NCKAP5: variants seen among roughly 807,000 people sequenced by gnomAD.
The protein encoded by NCKAP5 is nck-associated protein 5.
NCKAP5 carries 92 observed loss-of-function variants against 167.0 expected under a neutral mutation model. The ratio of observed to expected loss-of-function variants is 0.55; its 90% CI spans 0.47 to 0.66. The LOEUF (loss-of-function observed/expected upper bound fraction) is 0.66. Ranked by LOEUF, NCKAP5 falls within the 30% of genes least tolerant of loss-of-function variation. The pLI is 0.00. For synonymous variants in NCKAP5, 891 were observed against 877.4 expected (o/e 1.02, Z -0.27); for missense variants, 2,378 against 2,315.0 (o/e 1.03, Z -0.56).
chr2:133,665,502 G>C, the NCKAP5 span, among the ~76,000 whole-genome samples: 2 of 152,136 alleles, frequency 1.3e-5, no homozygotes, highest in Non-Finnish European at 2.9e-5. Context: ...CATAGTCTGT[G>C]ATACCTCAAA....
At chr2:132,884,038 G>C (rs4525747) in intron 8 of NCKAP5, among the ~76,000 whole-genome samples, 1 of 151,954 alleles carries the variant, frequency 6.6e-6, no homozygotes, top group Non-Finnish European at 1.5e-5. Context: ...ACTCAGTCAC[G>C]GTTCACATTC....
At chr2:132,815,843 T>C (rs1326129060) in intron 11 of NCKAP5, among the ~76,000 whole-genome samples, 1 of 152,158 alleles carries the variant, frequency 6.6e-6, no homozygotes, top group African/African-American at 2.4e-5. Flanking sequence ...ACCAAAATTC[T>C]CCATTACAGC....
rs571225096 is a variant in NCKAP5 at position 133,505,470 on chromosome 2, T to A, written c.69+11988A>T. On this transcript the variant is annotated intron_variant, in intron 3 of 19. Coordinates refer to ENST00000409261, the MANE Select transcript of NCKAP5 (RefSeq NM_207363.3). ...AAAGCTGCCATCTGGAACGGCCACA[T>A]CAGCTGGTCCACATGTTTCCAGGGT... Among the ~76,000 whole-genome samples, 5 of 152,294 alleles carry A rather than the reference T, an allele frequency of 3.3e-5. No homozygotes were observed. In the East Asian group the frequency reaches 9.6e-4, roughly 29 times the overall value.
chr2:132,832,397 T>C (rs911206860), intron 11 of NCKAP5, among the ~76,000 whole-genome samples: 2 of 152,144 alleles, frequency 1.3e-5, no homozygotes, highest in African/African-American at 4.8e-5. Flanking sequence ...CATGTATATA[T>C]GGGGTACAAG....
chr2:133,269,695 AGAGGGAG>A, intron 4 of NCKAP5, among the ~76,000 whole-genome samples: 2 of 152,332 alleles, frequency 1.3e-5, no homozygotes, highest in South Asian at 4.1e-4. Context: ...CACAAGACAC[AGAGGGAG>A]TGACATGATC....
At chr2:133,256,631 C>A (rs2088632527) in intron 4 of NCKAP5, among the ~76,000 whole-genome samples, 1 of 152,070 alleles carries the variant, frequency 6.6e-6, no homozygotes, top group African/African-American at 2.4e-5. Flanking sequence ...ATTATAACCA[C>A]CTAATTAGAA....
chr2:132,680,122 C>A (rs539506265), intron 19 of NCKAP5, among the ~76,000 whole-genome samples: 1 of 152,094 alleles, frequency 6.6e-6, no homozygotes, highest in African/African-American at 2.4e-5. Context: ...ACCCTGTTAA[C>A]CTGGTCAAAT....
chr2:133,645,571 C>T, the NCKAP5 span, among the ~76,000 whole-genome samples: 3 of 152,220 alleles, frequency 2.0e-5, no homozygotes, highest in Admixed American at 6.5e-5. Context: ...AAAATCATTT[C>T]ATTTATTTGT....
chr2:133,516,013 T>G (rs1683955135), intron 3 of NCKAP5, among the ~76,000 whole-genome samples: 1 of 152,236 alleles, frequency 6.6e-6, no homozygotes, highest in Non-Finnish European at 1.5e-5. Context: ...ACTTGAGATC[T>G]GAGGCAGAAA....
At chr2:133,241,446 T>C (rs2087700891) in intron 4 of NCKAP5, among the ~76,000 whole-genome samples, 1 of 152,214 alleles carries the variant, frequency 6.6e-6, no homozygotes, top group Admixed American at 6.5e-5. Context: ...TACATCATCT[T>C]TGCAAAATAT....
At chr2:132,937,507 T>C (rs1370231236) in intron 8 of NCKAP5, among the ~76,000 whole-genome samples, 1 of 152,224 alleles carries the variant, frequency 6.6e-6, no homozygotes, top group Non-Finnish European at 1.5e-5. Flanking sequence ...ACCTTAAATG[T>C]CACACCTTAT....
intron 2 of NCKAP5, among the ~76,000 whole-genome samples, chr2:133,551,017 C>T (rs536641650): frequency 3.3e-5 from 5 of 152,044 alleles, no homozygotes; most frequent in African/African-American, 9.7e-5. Flanking sequence ...TAATAAAATA[C>T]CTAGGAATCC....
chr2:132,895,862 C>T (rs1693158815), intron 8 of NCKAP5, among the ~76,000 whole-genome samples: 1 of 150,794 alleles, frequency 6.6e-6, no homozygotes, highest in Non-Finnish European at 1.5e-5. Flanking sequence ...AGGCCAGGCG[C>T]AGTGGCCCAT....
At chr2:132,939,592 A>G (rs1697128575) in intron 8 of NCKAP5, among the ~76,000 whole-genome samples, 1 of 151,658 alleles carries the variant, frequency 6.6e-6, no homozygotes, top group African/African-American at 2.4e-5. Flanking sequence ...CAGTTTTTTT[A>G]TTTCAATAGA....
At chr2:133,498,480 A>AAGGCAGGCAGGCAGGCAGGCAGGC (rs60553398) in intron 3 of NCKAP5, among the ~76,000 whole-genome samples, 25 of 101,804 alleles carry the variant, frequency 2.5e-4, no homozygotes, top group African/African-American at 1.1e-3. Flanking sequence ...GGAAGGAAGG[A>AAGGCAGGCAGGCAGGCAGGCAGGC]AGGCAGGCAG....
At chr2:132,833,189 A>C (rs1687640938) in intron 11 of NCKAP5, among the ~76,000 whole-genome samples, 1 of 151,980 alleles carries the variant, frequency 6.6e-6, no homozygotes, top group Admixed American at 6.5e-5. Flanking sequence ...ATGTCTATTC[A>C]TGTCCTTTAC....
intron 3 of NCKAP5, among the ~76,000 whole-genome samples, chr2:133,399,257 TGG>T (rs1424118231): frequency 6.6e-6 from 1 of 151,970 alleles, no homozygotes; most frequent in African/African-American, 2.4e-5. Context: ...GCGAAGGGCC[TGG>T]GACAGGAAGA....
chr2:133,298,338 TA>T (rs1452804877), intron 4 of NCKAP5, among the ~76,000 whole-genome samples: 1 of 152,216 alleles, frequency 6.6e-6, no homozygotes, highest in African/African-American at 2.4e-5. Context: ...TATTGTTATT[TA>T]AATGGAGCAT....
intron 2 of NCKAP5, among the ~76,000 whole-genome samples, chr2:133,533,511 CAAG>C (rs1685526214): frequency 6.6e-6 from 1 of 151,974 alleles, no homozygotes. Flanking sequence ...TGTAAAACCC[CAAG>C]AAGAAGAGAA....
Sources: gnomAD v4.1 joint callset for allele counts (sites outside exome capture counted in the v4.1 genomes callset) on GRCh38, gnomAD v4.1.1 for gene constraint, MANE v1.5 for transcripts, NCBI Gene and HGNC (gene_info 2026-07-23, HGNC 2026-07-21) for gene names.